TRABD2B: variants seen among roughly 807,000 people sequenced by gnomAD.
TRABD2B encodes metalloprotease TIKI2.
Under a neutral mutation model 40.1 loss-of-function variants are expected in TRABD2B, and 14 were observed. That is an observed-to-expected ratio of 0.35 (90% CI 0.23 to 0.55). TRABD2B has a LOEUF of 0.55. Among genes scored for constraint, TRABD2B ranks in the 20% least tolerant of loss-of-function variants. TRABD2B has a pLI of 0.90. For synonymous variants in TRABD2B, 263 were observed against 277.0 expected (o/e 0.95, Z 0.50); for missense variants, 541 against 648.6 (o/e 0.83, Z 1.80).
At chr1:47,995,220 C>T (rs1013278475) in intron 1 of TRABD2B, among the ~76,000 whole-genome samples, 3 of 152,188 alleles carry the variant, frequency 2.0e-5, no homozygotes, top group South Asian at 2.1e-4. Flanking sequence ...ACATTCATCA[C>T]GGTGAATACA....
intron 2 of TRABD2B, among the ~76,000 whole-genome samples, chr1:47,933,675 A>G (rs1645069986): frequency 6.6e-6 from 1 of 152,196 alleles, no homozygotes; most frequent in African/African-American, 2.4e-5. Flanking sequence ...AAACTCTTGC[A>G]CACACTGCTC....
At chr1:47,802,044 T>C (rs993124350) in intron 2 of TRABD2B, among the ~76,000 whole-genome samples, 1 of 152,186 alleles carries the variant, frequency 6.6e-6, no homozygotes, top group African/African-American at 2.4e-5. Flanking sequence ...AAAGGCCCGG[T>C]TGGATGTCAA....
intron 2 of TRABD2B, among the ~76,000 whole-genome samples, chr1:47,910,932 C>A (rs1454924176): frequency 1.3e-5 from 2 of 152,270 alleles, no homozygotes; most frequent in East Asian, 3.9e-4. Flanking sequence ...GCAGGACCGA[C>A]GGGTCTAATT....
chr1:47,936,928 T>TC (rs1207214949), intron 2 of TRABD2B, among the ~76,000 whole-genome samples: 2 of 128,608 alleles, frequency 1.6e-5, no homozygotes, highest in African/African-American at 2.9e-5. Flanking sequence ...ACCACCACCA[T>TC]AATTATCACC....
intron 6 of TRABD2B, among the ~76,000 whole-genome samples, chr1:47,773,472 G>T (rs1201797250): frequency 6.6e-6 from 1 of 152,252 alleles, no homozygotes; most frequent in Non-Finnish European, 1.5e-5. Flanking sequence ...CCCACGTGTT[G>T]TGGGAGGGAT....
intron 2 of TRABD2B, among the ~76,000 whole-genome samples, chr1:47,949,829 C>T (rs1220361593): frequency 6.6e-6 from 1 of 152,216 alleles, no homozygotes; most frequent in African/African-American, 2.4e-5. Context: ...CACAACATTT[C>T]AGATTTCATT....
At chr1:47,987,986 G>A (rs1014784478) in intron 2 of TRABD2B, among the ~76,000 whole-genome samples, 1 of 152,116 alleles carries the variant, frequency 6.6e-6, no homozygotes, top group Non-Finnish European at 1.5e-5. Context: ...AAAAGGCTTC[G>A]GCACGGTCTG....
intron 2 of TRABD2B, among the ~76,000 whole-genome samples, chr1:47,829,241 G>A (rs959344071): frequency 6.6e-6 from 1 of 152,004 alleles, no homozygotes; most frequent in Non-Finnish European, 1.5e-5. Flanking sequence ...CTCAAACCTC[G>A]AGCTGCCCAT....
At chr1:47,845,285 A>T (rs1570109121) in intron 2 of TRABD2B, among the ~76,000 whole-genome samples, 2 of 152,132 alleles carry the variant, frequency 1.3e-5, no homozygotes, top group South Asian at 4.2e-4. Flanking sequence ...CTCAGGTCTA[A>T]CCCTACCCTG....
chr1:47,834,672 A>C (rs1645295774), intron 2 of TRABD2B, among the ~76,000 whole-genome samples: 2 of 152,202 alleles, frequency 1.3e-5, no homozygotes, highest in South Asian at 4.1e-4. Flanking sequence ...TCTAATCATT[A>C]GCTGATCACA....
intron 4 of TRABD2B, among the ~76,000 whole-genome samples, chr1:47,785,424 C>A: frequency 6.6e-6 from 1 of 152,222 alleles, no homozygotes. Flanking sequence ...GCTTTAGCAG[C>A]CTTTACCAGC....
intron 3 of TRABD2B, among the ~76,000 whole-genome samples, chr1:47,800,889 G>A (rs945118394): frequency 1.3e-5 from 2 of 152,206 alleles, no homozygotes; most frequent in Non-Finnish European, 2.9e-5. Context: ...GTAGGGTGGA[G>A]GACCTGGGCT....
chr1:47,824,535 TG>T (rs1205094811), intron 2 of TRABD2B, among the ~76,000 whole-genome samples: 1 of 152,198 alleles, frequency 6.6e-6, no homozygotes, highest in Non-Finnish European at 1.5e-5. Context: ...ACAGTTCACC[TG>T]GTAGGCAGAG....
At position 47,797,262 on chromosome 1, in the gene TRABD2B, T is replaced by C. The variant is rs548501928; in HGVS notation, c.814-2502A>G. 3.9e-5 allele frequency among the ~76,000 whole-genome samples: 6 copies of C among 152,402 alleles called. 1 individual carries two copies. In the South Asian group the frequency reaches 1.2e-3, roughly 32 times the overall value. ...GTTTTGGAAAGTGCTTACTGAGCAC[T>C]GTGCCTGGCACAAAGGAAGTCCTGA... is the stretch of plus-strand genomic sequence containing the variant. On this transcript the variant is annotated intron_variant, in intron 3 of 6. Transcript: ENST00000606738.
chr1:47,878,715 C>T (rs1644258957), intron 2 of TRABD2B, among the ~76,000 whole-genome samples: 1 of 152,162 alleles, frequency 6.6e-6, no homozygotes, highest in African/African-American at 2.4e-5. Flanking sequence ...ATGTGAGTTA[C>T]TGGTAAGATT....
At chr1:47,986,176 G>T (rs1414288674) in intron 2 of TRABD2B, among the ~76,000 whole-genome samples, 1 of 152,038 alleles carries the variant, frequency 6.6e-6, no homozygotes, top group Non-Finnish European at 1.5e-5. Context: ...TGAAAAGGAA[G>T]GAAAAAAACC....
At chr1:47,970,638 T>C (rs965412629) in intron 2 of TRABD2B, among the ~76,000 whole-genome samples, 3 of 152,224 alleles carry the variant, frequency 2.0e-5, no homozygotes, top group African/African-American at 7.2e-5. Flanking sequence ...ATCATTTATT[T>C]TCACTTGCAC....
At chr1:47,847,682 C>T (rs1460784245) in intron 2 of TRABD2B, among the ~76,000 whole-genome samples, 3 of 152,222 alleles carry the variant, frequency 2.0e-5, no homozygotes, top group Non-Finnish European at 4.4e-5. Flanking sequence ...TCTCCCTCTC[C>T]ATCCTGCCTT....
At position 47,782,390 on chromosome 1, in the gene TRABD2B, T is replaced by G. The variant is rs151065954; in HGVS notation, c.989-3846A>C. On this transcript the variant is annotated intron_variant, in intron 4 of 6. Transcript: ENST00000606738. ...AACTGCTCTCCTTGCTCTCTCTAGT[T>G]CACACCCCAGAGCTGACTTTGTCAG... 5.4e-3 allele frequency among the ~76,000 whole-genome samples: 830 copies of G among 152,294 alleles called. 8 individuals are homozygous for G. The highest frequency in any genetic ancestry group is 0.019 in the African/African-American group (784 of 41,558).
Sources: allele counts gnomAD v4.1 joint callset (sites outside exome capture counted in the v4.1 genomes callset), GRCh38; gene constraint gnomAD v4.1.1; transcripts MANE v1.5; gene names NCBI Gene and HGNC (gene_info 2026-07-23, HGNC 2026-07-21).